DZANK1: variants seen among roughly 807,000 people sequenced by gnomAD.
DZANK1 encodes the protein double zinc ribbon and ankyrin repeat-containing protein 1.
Under a neutral mutation model 94.5 loss-of-function variants are expected in DZANK1, and 91 were observed. The ratio of observed to expected loss-of-function variants is 0.96; its 90% confidence interval spans 0.81 to 1.15. DZANK1 has a LOEUF of 1.15. DZANK1 is among the 50% of genes most tolerant of loss of function. The pLI is 0.00. For synonymous variants in DZANK1, 312 were observed against 325.3 expected (o/e 0.96, Z 0.44); for missense variants, 903 against 916.4 (o/e 0.99, Z 0.19).
chr20:18,430,793 G>A (rs535782774), intron 9 of DZANK1, among the ~76,000 whole-genome samples: 79 of 152,198 alleles, frequency 5.2e-4, no homozygotes, highest in African/African-American at 1.8e-3. Flanking sequence ...CAGCCTAGGC[G>A]ACAGAGTGAG....
intron 10 of DZANK1, among the ~76,000 whole-genome samples, chr20:18,423,123 CAAG>C (rs1256637416): frequency 3.3e-5 from 5 of 152,102 alleles, no homozygotes; most frequent in African/African-American, 1.2e-4. Context: ...ATTTGTATTA[CAAG>C]TGCCTAGAAC....
chr20:18,420,168 T>C (rs1035287572), intron 10 of DZANK1: 1 of 201,082 alleles, frequency 5.0e-6, no homozygotes, highest in African/African-American at 2.3e-5. Flanking sequence ...GGTCAGTGTT[T>C]TAAAGTCTCC....
In DZANK1 at chr20:18,463,770, A is replaced by G. The variant is rs368094277; in HGVS notation, c.109+1480T>C. Among the ~76,000 whole-genome samples, 39 of 152,300 alleles carry G rather than the reference A, an allele frequency of 2.6e-4. No homozygotes were observed. The South Asian group carries it at 7.7e-3, about 30-fold the overall frequency. ...AAGCTAAAGGAGAACACAGATAATA[A>G]TACATATGCTTAGTTAGAACTCTTG... On this transcript the variant is annotated intron_variant, in intron 2 of 20. Transcript: ENST00000262547.
intron 13 of DZANK1, among the ~76,000 whole-genome samples, chr20:18,401,608 C>T (rs192208742): frequency 1.3e-3 from 205 of 152,330 alleles, no homozygotes; most frequent in African/African-American, 4.6e-3. Context: ...AAGGCCTCAG[C>T]GAAGATGGCA....
At chr20:18,461,332 G>A (rs1601196957) in intron 2 of DZANK1, among the ~76,000 whole-genome samples, 2 of 151,748 alleles carry the variant, frequency 1.3e-5, no homozygotes, top group African/African-American at 4.8e-5. Flanking sequence ...GAGCTCCCTA[G>A]GAAATAAATT....
chr20:18,459,713 G>T (rs1046633202), intron 3 of DZANK1, among the ~76,000 whole-genome samples: 1 of 152,168 alleles, frequency 6.6e-6, no homozygotes, highest in African/African-American at 2.4e-5. Flanking sequence ...AAGTTGAAAT[G>T]ACAGTAGCTT....
intron 3 of DZANK1, among the ~76,000 whole-genome samples, chr20:18,459,150 G>C (rs1483031165): frequency 6.6e-6 from 1 of 152,232 alleles, no homozygotes; most frequent in East Asian, 1.9e-4. Flanking sequence ...TTGGCCACCA[G>C]AGTATTGAGG....
intron 8 of DZANK1, among the ~76,000 whole-genome samples, chr20:18,438,045 C>T (rs561986044): frequency 5.3e-5 from 8 of 151,378 alleles, no homozygotes; most frequent in African/African-American, 1.7e-4. Context: ...GGTGAAACCC[C>T]GTCTCTACTA....
chr20:18,431,458 G>A (rs975134737), intron 9 of DZANK1, among the ~76,000 whole-genome samples: 1 of 152,194 alleles, frequency 6.6e-6, no homozygotes, highest in Non-Finnish European at 1.5e-5. Flanking sequence ...TCCCTGAGCA[G>A]TTCACATGAG....
intron 13 of DZANK1, among the ~76,000 whole-genome samples, chr20:18,403,300 G>A (rs1454000280): frequency 6.6e-6 from 1 of 152,170 alleles, no homozygotes; most frequent in East Asian, 1.9e-4. Context: ...GGAGAAGCAA[G>A]TCATGAAGAA....
At chr20:18,426,454 T>C (rs891066007) in intron 10 of DZANK1, among the ~76,000 whole-genome samples, 1 of 152,188 alleles carries the variant, frequency 6.6e-6, no homozygotes, top group Non-Finnish European at 1.5e-5. Flanking sequence ...ATCGGAAACA[T>C]GCACAGCAAC....
intron 2 of DZANK1, among the ~76,000 whole-genome samples, chr20:18,461,781 G>T (rs1169056304): frequency 6.6e-6 from 1 of 152,016 alleles, no homozygotes; most frequent in African/African-American, 2.4e-5. Context: ...TGTATTTTTA[G>T]TAGAGACGGG....
rs187276427 is a variant in DZANK1 at position 18,451,617 on chromosome 20, A to G, written c.543+998T>C. Among the ~76,000 whole-genome samples, 6 of 152,280 alleles carry G rather than the reference A, an allele frequency of 3.9e-5. No individual in the cohort carries two copies. The East Asian group carries it at 7.7e-4, about 20-fold the overall frequency. On this transcript the variant is annotated intron_variant, in intron 6 of 20. Coordinates refer to ENST00000262547, the Ensembl canonical transcript of DZANK1. Reference sequence around the variant, plus strand: ...ACCTCTCCCATATGTGAACTTGCACATCCAACAATCTACTCAACACCTCCA... The same window carrying G: ...ACCTCTCCCATATGTGAACTTGCACGTCCAACAATCTACTCAACACCTCCA...
intron 7 of DZANK1, among the ~76,000 whole-genome samples, 156 bp downstream of exon 7, chr20:18,448,828 C>G (rs570239594): frequency 6.7e-6 from 1 of 148,538 alleles, no homozygotes; most frequent in African/African-American, 2.5e-5. Flanking sequence ...AACTGCACCA[C>G]CGCACTCCAG....
chr20:18,460,010 TTACA>T (rs2059419331), intron 3 of DZANK1, 139 bp downstream of exon 3: 1 of 603,844 alleles, frequency 1.7e-6, no homozygotes, highest in Non-Finnish European at 2.6e-6. Flanking sequence ...AACACAAATG[TTACA>T]TACATATGCT....
chr20:18,461,516 A>G (rs1266048180), intron 2 of DZANK1, among the ~76,000 whole-genome samples: 2 of 151,898 alleles, frequency 1.3e-5, no homozygotes, highest in African/African-American at 2.4e-5. Context: ...ATAATTTTGT[A>G]AAGAATTATT....
At chr20:18,458,087 A>G (rs1187311477) in intron 3 of DZANK1, among the ~76,000 whole-genome samples, 1 of 152,144 alleles carries the variant, frequency 6.6e-6, no homozygotes, top group African/African-American at 2.4e-5. Context: ...ATTTCCAATT[A>G]TCTTCTTTCT....
intron 20 of DZANK1, 94 bp downstream of exon 20, chr20:18,384,922 G>A (rs2148102011): frequency 8.0e-7 from 1 of 1,254,018 alleles, no homozygotes; most frequent in Non-Finnish European, 1.1e-6. Flanking sequence ...AGGGACAGCA[G>A]TTCAGGAACC....
intron 7 of DZANK1, among the ~76,000 whole-genome samples, chr20:18,444,310 G>C (rs756214442): frequency 1.3e-5 from 2 of 152,202 alleles, no homozygotes; most frequent in Non-Finnish European, 2.9e-5. Flanking sequence ...CCACCCGCCA[G>C]AGCAACAACA....
Sources: gnomAD v4.1 joint callset for allele counts (sites outside exome capture counted in the v4.1 genomes callset) on GRCh38, gnomAD v4.1.1 for gene constraint, MANE v1.5 for transcripts, NCBI Gene and HGNC (gene_info 2026-07-23, HGNC 2026-07-21) for gene names.